HEPH: variants seen among roughly 807,000 people sequenced by gnomAD.
HEPH encodes hephaestin.
In HEPH, 69 loss-of-function variants were observed where a neutral mutation model predicts 80.8. The ratio of observed to expected loss-of-function variants is 0.85; its 90% CI spans 0.70 to 1.04. The LOEUF is 1.04. Ranked by LOEUF, HEPH falls within the 50% of genes least tolerant of loss-of-function variation. The pLI, the probability that HEPH is intolerant of heterozygous loss-of-function variation, is 0.00. For synonymous variants in HEPH, 431 were observed against 322.8 expected (o/e 1.34, Z -3.60); for missense variants, 1,115 against 891.3 (o/e 1.25, Z -3.20).
intron 15 of HEPH, among the ~76,000 whole-genome samples, chrX:66,240,468 G>C (rs753557807): frequency 9.3e-6 from 1 of 107,857 alleles, no homozygotes; most frequent in South Asian, 4.0e-4. Flanking sequence ...ATTGTTGACA[G>C]ATATTAAACC....
intron 1 of HEPH, among the ~76,000 whole-genome samples, chrX:66,165,938 T>A (rs997830478): frequency 9.0e-6 from 1 of 111,303 alleles, no homozygotes; most frequent in African/African-American, 3.3e-5. Context: ...AAAAAAAATA[T>A]CCTTGCCCAA....
chrX:66,203,192 T>A (rs1266363437), intron 12 of HEPH, among the ~76,000 whole-genome samples, 172 bp from the exon 13 acceptor site: 1 of 110,097 alleles, frequency 9.1e-6, no homozygotes, highest in African/African-American at 3.3e-5. Flanking sequence ...AGCCCATTAC[T>A]CTCAATAAAC....
Position 66,263,692 on chromosome X carries a change from C to T in HEPH, c.3244+4C>T, listed in dbSNP as rs773799520. The T allele has an allele frequency of 3.2e-5, 39 of 1,204,108 alleles. No individual in the cohort carries two copies. The highest frequency in any genetic ancestry group is 1.4e-4 in the African/African-American group (8 of 56,806). On this transcript the variant is annotated splice_donor_region_variant and intron_variant, in intron 20 of 20. Transcript: ENST00000343002. ...ATCACCAAAGAGACTGAAAAAGGTA[C>T]GTAAAATGATGCACAGACTGGGTAC...
chrX:66,211,554 A>T (rs964359790), intron 15 of HEPH, among the ~76,000 whole-genome samples: 1 of 110,823 alleles, frequency 9.0e-6, no homozygotes, highest in African/African-American at 3.3e-5. Context: ...ATATGATCAA[A>T]TTTTTTAGCT....
rs761030959 is a variant in HEPH, at chrX:66,197,789, T to C, written c.1608T>C (p.Thr536=). 8.3e-7 allele frequency: 1 copy of C among 1,209,707 alleles called. No individual in the cohort carries two copies. The highest frequency in any genetic ancestry group is 1.1e-6 in the Non-Finnish European group (1 of 894,903). ...GPTAQDPACL[T]WMYFSAADPI... ...CTGCTCAGGATCCTGCTTGTCTCAC[T>C]TGGATGTACTTCTCTGCTGCAGATC... is the stretch of plus-strand genomic sequence containing the variant. The change falls in exon 10 of 21, where the codon ACT becomes ACC. Residue 536 remains threonine (T), a synonymous_variant. Transcript: ENST00000343002.
chrX:66,212,349 G>T (rs2089177464), intron 15 of HEPH, among the ~76,000 whole-genome samples: 1 of 110,274 alleles, frequency 9.1e-6, no homozygotes, highest in African/African-American at 3.3e-5. Flanking sequence ...GTTAAATATA[G>T]TCCCGTGTGC....
At chrX:66,239,324 T>G (rs1043996946) in intron 15 of HEPH, among the ~76,000 whole-genome samples, 7 of 110,780 alleles carry the variant, frequency 6.3e-5, no homozygotes, top group African/African-American at 2.3e-4. Flanking sequence ...GTCCCCAGAG[T>G]CTTCCCCCTT....
chrX:66,203,389 A>G lies in HEPH; in HGVS notation c.2103A>G (p.Ala701=). Reference sequence around the variant, plus strand: ...GGACATTTGAGATTTATTGCCAGGCAGGCAGCCATCGAGAAGCAGGGATGA... The same window carrying G: ...GGACATTTGAGATTTATTGCCAGGCGGGCAGCCATCGAGAAGCAGGGATGA... ...NLGTFEIYCQ[A]GSHREAGMRA... Residue 701 remains alanine, a synonymous_variant, in exon 13 of 21, where the codon GCA becomes GCG. Coordinates refer to ENST00000343002, the MANE Select transcript of HEPH (RefSeq NM_001367233.3). 8 of 1,210,406 alleles carry G rather than the reference A, an allele frequency of 6.6e-6. No individual in the cohort carries two copies. Among genetic ancestry groups the G allele is most frequent in the Non-Finnish European group, 8.9e-6 (8 of 895,024 alleles).
At chrX:66,189,960 C>G (rs770395903) in intron 6 of HEPH, 22 bp downstream of exon 6, 3 of 1,153,367 alleles carry the variant, frequency 2.6e-6, no homozygotes, top group Admixed American at 2.6e-5. Flanking sequence ...CATTTCTGAC[C>G]ATTGGGTTGT....
chrX:66,176,553 G>C (rs776820619), intron 4 of HEPH, among the ~76,000 whole-genome samples: 2 of 111,158 alleles, frequency 1.8e-5, no homozygotes, highest in South Asian at 7.7e-4. Context: ...CAATGTACAG[G>C]TTTGTTACAT....
chrX:66,205,060 C>T (rs1025917918), intron 13 of HEPH, among the ~76,000 whole-genome samples: 1 of 111,524 alleles, frequency 9.0e-6, no homozygotes, highest in South Asian at 3.7e-4. Context: ...GTTTTTCAAC[C>T]GTTTTCCGCA....
At chrX:66,230,990 C>T (rs2090109279) in intron 15 of HEPH, among the ~76,000 whole-genome samples, 1 of 107,740 alleles carries the variant, frequency 9.3e-6, no homozygotes, top group African/African-American at 3.4e-5. Flanking sequence ...CAGCTTTCTA[C>T]ATATGGCTAG....
rs181966814 is a variant in HEPH, at chrX:66,248,167, G to A, written c.2564-6868G>A. ...CTCTCCCTCTTTGCTAGATCAACAT[G>A]CTCTAGTACTGTAGTACCACCTCAT... On this transcript the variant is annotated intron_variant, in intron 15 of 20. Transcript: ENST00000343002. 2.1e-3 allele frequency among the ~76,000 whole-genome samples: 236 copies of A among 110,832 alleles called. 2 individuals are homozygous for A. The highest frequency in any genetic ancestry group is 7.2e-3 in the African/African-American group (219 of 30,505).
chrX:66,234,101 C>A (rs1015137523), intron 15 of HEPH, among the ~76,000 whole-genome samples: 5 of 109,991 alleles, frequency 4.5e-5, no homozygotes, highest in African/African-American at 1.3e-4. Context: ...CTGTTGTTCC[C>A]TGATATGTGT....
At chrX:66,187,537 G>T (rs1354759360) in intron 4 of HEPH, among the ~76,000 whole-genome samples, 1 of 111,832 alleles carries the variant, frequency 8.9e-6, no homozygotes, top group Non-Finnish European at 1.9e-5. Flanking sequence ...TAGCCACCCA[G>T]CAAGTCTACC....
chrX:66,218,637 T>A (rs1281394789), intron 15 of HEPH, among the ~76,000 whole-genome samples: 3 of 111,465 alleles, frequency 2.7e-5, no homozygotes, highest in Non-Finnish European at 5.6e-5. Flanking sequence ...TCAGCAAGAC[T>A]CATGTTTCCA....
rs1293664151 is a variant in HEPH at position 66,192,293 on chromosome X, A to C, written c.1227A>C (p.Pro409=). ...GTACTGGGAAGAATTTGAGAGAGCC[A>C]GGCAGGTAAGAGGCAGTGGGATCCC... The part of the protein sequence containing the change: ...DGSTGKNLRE[P]GSISDKFFQK... The change falls in exon 7 of 21, where the codon CCA becomes CCC. Residue 409 remains proline, a synonymous_variant. Transcript: ENST00000343002. 8.3e-7 allele frequency: 1 copy of C among 1,203,981 alleles called. No homozygotes were observed. The highest frequency in any genetic ancestry group is 1.1e-6 in the Non-Finnish European group (1 of 890,674).
intron 11 of HEPH, among the ~76,000 whole-genome samples, chrX:66,200,274 T>TGTGTG (rs2088359345): frequency 4.8e-5 from 3 of 62,117 alleles, no homozygotes; most frequent in African/African-American, 3.8e-4. Flanking sequence ...GTGTGTGTGT[T>TGTGTG]TGGTAGTGGA....
In HEPH at chrX:66,222,262, T is replaced by C. The variant is rs182038274; in HGVS notation, c.2563+14016T>C. Among the ~76,000 whole-genome samples the C allele has an allele frequency of 7.8e-3, 876 of 112,736 alleles. 31 individuals are homozygous for C. The highest frequency in any genetic ancestry group is 0.069 in the Admixed American group (741 of 10,735). On this transcript the variant is annotated intron_variant, in intron 15 of 20. Transcript: ENST00000343002. ...GGCTGACCCGCAGGGTGCCAGACTT[T>C]GGGATACAGCAGAGAGAGCTTGGCA...
Sources: allele counts gnomAD v4.1 joint callset (sites outside exome capture counted in the v4.1 genomes callset), GRCh38; gene constraint gnomAD v4.1.1; transcripts MANE v1.5; gene names NCBI Gene and HGNC (gene_info 2026-07-23, HGNC 2026-07-21).